DDR2: variants seen among roughly 807,000 people sequenced by gnomAD.
DDR2 encodes discoidin domain receptor tyrosine kinase 2, also known as discoidin domain-containing receptor 2.
DDR2 carries 27 observed loss-of-function variants against 94.9 expected under a neutral mutation model. The observed-to-expected ratio is 0.28, with a 90% CI of 0.21 to 0.39. The LOEUF is 0.39. DDR2 is among the 10% of genes least tolerant of loss of function. The probability of loss-of-function intolerance (pLI) is 1.00; values close to 1 mark genes in which losing one functional copy is unlikely to be tolerated. For synonymous variants in DDR2, 382 were observed against 377.2 expected (o/e 1.01, Z -0.15); for missense variants, 783 against 1,076.0 (o/e 0.73, Z 3.81).
chr1:162,755,389 G>A lies in DDR2; in HGVS notation c.565+86G>A, dbSNP rs550060304. On this transcript the variant is annotated intron_variant, in intron 6 of 17. Coordinates refer to ENST00000367921, the MANE Select transcript of DDR2 (RefSeq NM_006182.4). ...AAGGCAATCAAATCAGAAAGGGATGGGATCAGTTACTCCTGGAATGGTGAT... is the reference window on the plus strand; with the variant it reads ...AAGGCAATCAAATCAGAAAGGGATGAGATCAGTTACTCCTGGAATGGTGAT... 26 of 1,533,744 alleles carry A rather than the reference G, an allele frequency of 1.7e-5. No homozygotes were observed. The South Asian group carries it at 2.7e-4, about 16-fold the overall frequency.
chr1:162,696,199 C>CTTTT (rs34158006), intron 2 of DDR2, among the ~76,000 whole-genome samples: 2 of 112,652 alleles, frequency 1.8e-5, no homozygotes, highest in African/African-American at 5.9e-5. Flanking sequence ...GTTTCTTTTC[C>CTTTT]TTTTTTTTTT....
chr1:162,767,408 C>T, intron 11 of DDR2, 49 bp downstream of exon 11: 1 of 1,607,690 alleles, frequency 6.2e-7, no homozygotes, highest in Non-Finnish European at 8.5e-7. Flanking sequence ...TCCTTTCTTT[C>T]TTAAGCCACT....
At chr1:162,746,063 G>T (rs1256736191) in intron 3 of DDR2, among the ~76,000 whole-genome samples, 1 of 152,228 alleles carries the variant, frequency 6.6e-6, no homozygotes, top group Non-Finnish European at 1.5e-5. Context: ...GAGCAACGCA[G>T]AAGATGGGTG....
chr1:162,656,315 G>T (rs79639840), intron 2 of DDR2, among the ~76,000 whole-genome samples: 4,893 of 152,264 alleles, frequency 0.032, 262 homozygotes, highest in African/African-American at 0.11. Context: ...CTGAATGAAT[G>T]AATGAGTGAG....
intron 2 of DDR2, among the ~76,000 whole-genome samples, chr1:162,717,027 A>C (rs1661196330): frequency 6.6e-6 from 1 of 151,702 alleles, no homozygotes; most frequent in African/African-American, 2.4e-5. Context: ...TTTTTTAAAA[A>C]TCACTTTGTA....
At chr1:162,683,772 A>G (rs1055442801) in intron 2 of DDR2, among the ~76,000 whole-genome samples, 4 of 152,128 alleles carry the variant, frequency 2.6e-5, no homozygotes, top group Admixed American at 1.3e-4. Flanking sequence ...TACTTGACAT[A>G]GTAAAGACAC....
intron 1 of DDR2, among the ~76,000 whole-genome samples, chr1:162,638,141 C>T (rs2101883934): frequency 6.6e-6 from 1 of 152,252 alleles, no homozygotes; most frequent in Non-Finnish European, 1.5e-5. Flanking sequence ...CTGCCTCAGC[C>T]TCCTGAGTAG....
intron 9 of DDR2, among the ~76,000 whole-genome samples, chr1:162,764,430 T>C (rs1663898687): frequency 7.0e-6 from 1 of 143,040 alleles, no homozygotes; most frequent in Admixed American, 6.9e-5. Flanking sequence ...CAAAGCAATA[T>C]GAACAATAAA....
intron 2 of DDR2, among the ~76,000 whole-genome samples, chr1:162,672,620 C>T (rs1013379981): frequency 1.3e-5 from 2 of 151,970 alleles, no homozygotes; most frequent in Non-Finnish European, 1.5e-5. Flanking sequence ...TTTATTGTTT[C>T]TTCATTAATT....
chr1:162,671,980 T>C (rs1658866232), intron 2 of DDR2, among the ~76,000 whole-genome samples: 1 of 152,162 alleles, frequency 6.6e-6, no homozygotes, highest in Non-Finnish European at 1.5e-5. Flanking sequence ...ACTGTCTTGG[T>C]CACTTTTCTG....
intron 2 of DDR2, among the ~76,000 whole-genome samples, chr1:162,711,212 T>C (rs1430403881): frequency 6.6e-6 from 1 of 152,202 alleles, no homozygotes; most frequent in East Asian, 1.9e-4. Context: ...CTGAAAAGAT[T>C]TGCTATTCAA....
chr1:162,677,935 GT>G (rs983454130), intron 2 of DDR2, among the ~76,000 whole-genome samples: 1 of 152,066 alleles, frequency 6.6e-6, no homozygotes, highest in Non-Finnish European at 1.5e-5. Context: ...TTGAGCAAAG[GT>G]TTTTTTATTT....
At chr1:162,657,385 T>C (rs965136565) in intron 2 of DDR2, among the ~76,000 whole-genome samples, 1 of 152,204 alleles carries the variant, frequency 6.6e-6, no homozygotes, top group Non-Finnish European at 1.5e-5. Context: ...ATTTACTAAG[T>C]TTTAGTTTCT....
chr1:162,648,179 T>C (rs1296330788), intron 1 of DDR2, among the ~76,000 whole-genome samples: 1 of 151,610 alleles, frequency 6.6e-6, no homozygotes, highest in Non-Finnish European at 1.5e-5. Context: ...TGCAAGTAAA[T>C]GGGGGGCTAG....
At chr1:162,638,281 A>G (rs1357696954) in intron 1 of DDR2, among the ~76,000 whole-genome samples, 1 of 152,184 alleles carries the variant, frequency 6.6e-6, no homozygotes, top group African/African-American at 2.4e-5. Context: ...TCGGCCTCCC[A>G]AAGTGTTGGG....
At chr1:162,754,962 C>T in intron 5 of DDR2, 107 bp downstream of exon 5, 1 of 1,454,446 alleles carries the variant, frequency 6.9e-7, no homozygotes, top group South Asian at 1.2e-5. Context: ...GTCCACAGAC[C>T]AGGCATGCCC....
chr1:162,751,190 A>G (rs1663175573), intron 3 of DDR2, among the ~76,000 whole-genome samples: 2 of 152,202 alleles, frequency 1.3e-5, no homozygotes, highest in African/African-American at 4.8e-5. Flanking sequence ...AAAAGAAACT[A>G]CCATCAGAGT....
intron 7 of DDR2, among the ~76,000 whole-genome samples, chr1:162,756,162 A>G (rs1203339468): frequency 1.3e-5 from 2 of 152,236 alleles, no homozygotes; most frequent in Non-Finnish European, 2.9e-5. Flanking sequence ...TCAAGAAGTC[A>G]GAAAGAATAG....
At chr1:162,697,725 A>G (rs1660254149) in intron 2 of DDR2, among the ~76,000 whole-genome samples, 1 of 152,238 alleles carries the variant, frequency 6.6e-6, no homozygotes. Flanking sequence ...TCTAGGTATT[A>G]ACTTATTGAG....
Sources: allele counts gnomAD v4.1 joint callset (sites outside exome capture counted in the v4.1 genomes callset), GRCh38; gene constraint gnomAD v4.1.1; transcripts MANE v1.5; gene names NCBI Gene and HGNC (gene_info 2026-07-23, HGNC 2026-07-21).